OPRD1: variants seen among roughly 807,000 people sequenced by gnomAD.
OPRD1 encodes opioid receptor delta 1.
Under a neutral mutation model 17.5 loss-of-function variants are expected in OPRD1, and 19 were observed. That is an observed-to-expected ratio of 1.09 (90% CI 0.76 to 1.60). The LOEUF is 1.60. Ranked by LOEUF, OPRD1 falls within the 40% of genes most tolerant of loss-of-function variation. The pLI is 0.00. For synonymous variants in OPRD1, 256 were observed against 240.9 expected (o/e 1.06, Z -0.58); for missense variants, 483 against 547.2 (o/e 0.88, Z 1.17).
chr1:28,833,535 A>C (rs1388194602), intron 1 of OPRD1, among the ~76,000 whole-genome samples: 1 of 152,178 alleles, frequency 6.6e-6, no homozygotes, highest in Non-Finnish European at 1.5e-5. Flanking sequence ...ACTGATTGGA[A>C]AAGGCCAACC....
chr1:28,838,238 A>G (rs1371107223), intron 1 of OPRD1, among the ~76,000 whole-genome samples: 2 of 152,138 alleles, frequency 1.3e-5, no homozygotes, highest in African/African-American at 4.8e-5. Context: ...TAGAATGTAG[A>G]CATCTGCCAA....
intron 1 of OPRD1, among the ~76,000 whole-genome samples, chr1:28,857,948 A>G (rs2147749628): frequency 6.6e-6 from 1 of 151,258 alleles, no homozygotes; most frequent in South Asian, 2.1e-4. Flanking sequence ...GTGCACCACT[A>G]CGCCCAGCTA....
chr1:28,853,456 C>T (rs1434270602), intron 1 of OPRD1, among the ~76,000 whole-genome samples: 3 of 152,216 alleles, frequency 2.0e-5, no homozygotes, highest in Admixed American at 6.5e-5. Context: ...TTTGTTAAAC[C>T]ACTGGGATTT....
In OPRD1 at chr1:28,843,074, G is replaced by A. The variant is rs79583657; in HGVS notation, c.228-15880G>A. Among the ~76,000 whole-genome samples the A allele has an allele frequency of 3.4e-3, 517 of 152,066 alleles. 3 individuals carry two copies. The highest frequency in any genetic ancestry group is 0.012 in the African/African-American group (489 of 41,490). On this transcript the variant is annotated intron_variant, in intron 1 of 2. Transcript: ENST00000234961. The stretch of plus-strand genomic sequence containing the variant: ...GTATGCTGCACGCTTTCACACGTGC[G>A]GCTCCTAGAAAGCATCATTACACTG...
At chr1:28,849,456 A>G (rs2088980076) in intron 1 of OPRD1, among the ~76,000 whole-genome samples, 1 of 152,142 alleles carries the variant, frequency 6.6e-6, no homozygotes, top group South Asian at 2.1e-4. Flanking sequence ...CCTACAGTGA[A>G]GCCCACCAGT....
intron 1 of OPRD1, among the ~76,000 whole-genome samples, chr1:28,830,165 T>C (rs1482473518): frequency 1.3e-5 from 2 of 151,994 alleles, no homozygotes; most frequent in East Asian, 3.9e-4. Flanking sequence ...CATTTATCAA[T>C]TAAGTTCATC....
intron 1 of OPRD1, among the ~76,000 whole-genome samples, chr1:28,834,360 T>G (rs949252512): frequency 6.8e-6 from 1 of 147,614 alleles, no homozygotes; most frequent in Non-Finnish European, 1.5e-5. Context: ...GAGGCATCAC[T>G]AAGTATTTCT....
At chr1:28,849,135 G>A (rs902161389) in intron 1 of OPRD1, among the ~76,000 whole-genome samples, 1 of 152,152 alleles carries the variant, frequency 6.6e-6, no homozygotes, top group African/African-American at 2.4e-5. Context: ...AGGCACGGTG[G>A]CTCATGCCTG....
chr1:28,864,561 A>T lies in OPRD1; in HGVS notation c.*1278A>T, dbSNP rs1460151886. On this transcript the variant is annotated 3_prime_UTR_variant, in exon 3 of 3. Transcript: ENST00000234961. The stretch of plus-strand genomic sequence containing the variant: ...GTTCGAAAACCCAGACCCGGAGTGG[A>T]CCTCCGTGCCAAGGGGTGGTGGTGG... 6.6e-6 allele frequency: 1 copy of T among 151,738 alleles called. No homozygotes were observed. Among genetic ancestry groups the T allele is most frequent in the Non-Finnish European group, 1.5e-5 (1 of 67,966 alleles). The allele number at this position is 151,738 out of a possible 1,614,324, so 9.4% of individuals were successfully genotyped here. A position where few individuals can be genotyped will look rare whatever the true frequency, so the allele number is the denominator to read the frequency against.
rs1224573143 is a variant in OPRD1 at position 28,863,677 on chromosome 1, G to A, written c.*394G>A. The A allele has an allele frequency of 1.6e-5, 3 of 189,064 alleles. No individual in the cohort carries two copies. The Admixed American group carries it at 1.8e-4, about 12-fold the overall frequency. 11.7% of individuals were successfully genotyped at this position (189,064 alleles called of 1,614,324 possible). A position where few individuals can be genotyped will look rare whatever the true frequency, so the allele number is the denominator to read the frequency against. On this transcript the variant is annotated 3_prime_UTR_variant, in exon 3 of 3. Transcript: ENST00000234961. ...GTTTCTAACTTGGAGCCGGACTTTC[G>A]GAGTTGGGGGTCCGGGCCCAGGACC...
chr1:28,835,874 A>T (rs1334057046), intron 1 of OPRD1, among the ~76,000 whole-genome samples: 1 of 152,126 alleles, frequency 6.6e-6, no homozygotes, highest in African/African-American at 2.4e-5. Flanking sequence ...GAGTTACTTC[A>T]TCCCTCTGAG....
In OPRD1 at chr1:28,863,037, G is replaced by C; in HGVS notation, c.873G>C (p.Arg291=). ...TCTGGACGCTGGTGGACATCGACCG[G>C]CGCGACCCGCTGGTGGTGGCTGCGC... ...VIVWTLVDID[R]RDPLVVAALH... is the part of the protein sequence containing the mutation. The change falls in exon 3 of 3, where the codon CGG becomes CGC. Residue 291 remains arginine, a synonymous_variant. Transcript: ENST00000234961. 6.2e-7 allele frequency: 1 copy of C among 1,606,346 alleles called. No individual in the cohort carries two copies. Among genetic ancestry groups the C allele is most frequent in the Non-Finnish European group, 8.5e-7 (1 of 1,176,494 alleles).
chr1:28,818,287 A>G (rs562807068), intron 1 of OPRD1, among the ~76,000 whole-genome samples: 1 of 152,274 alleles, frequency 6.6e-6, no homozygotes, highest in Non-Finnish European at 1.5e-5. Context: ...AGGCCTGTCC[A>G]GCCTCAGCTC....
At chr1:28,854,602 G>A (rs987430561) in intron 1 of OPRD1, among the ~76,000 whole-genome samples, 29 of 151,966 alleles carry the variant, frequency 1.9e-4, no homozygotes, top group African/African-American at 6.3e-4. Context: ...GTCCCTGTGC[G>A]AGCTGGTGAG....
Position 28,863,097 on chromosome 1 carries a change from C to T in OPRD1, c.933C>T (p.Ser311=), listed in dbSNP as rs551540059. The part of the protein sequence containing the change: ...HLCIALGYAN[S]SLNPVLYAFL... ...GCATCGCGCTGGGCTACGCCAATAG[C>T]AGCCTCAACCCCGTGCTCTACGCTT... The change falls in exon 3 of 3, where the codon AGC becomes AGT. Residue 311 remains serine (S), a synonymous_variant. Transcript: ENST00000234961. 17 of 1,609,660 alleles carry T rather than the reference C, an allele frequency of 1.1e-5. No individual in the cohort carries two copies. In the South Asian group the frequency reaches 1.8e-4, roughly 17 times the overall value.
intron 1 of OPRD1, among the ~76,000 whole-genome samples, chr1:28,816,715 AT>A (rs1308581604): frequency 2.0e-5 from 3 of 152,028 alleles, no homozygotes; most frequent in Non-Finnish European, 4.4e-5. Context: ...GGCCAGCACG[AT>A]GACTCGTGCT....
At position 28,869,790 on chromosome 1, in the gene OPRD1, C is replaced by T. The variant is rs905830926; in HGVS notation, c.*6507C>T. The T allele has an allele frequency of 4.6e-5, 7 of 152,194 alleles. No homozygotes were observed. Among genetic ancestry groups the T allele is most frequent in the African/African-American group, 1.7e-4 (7 of 41,414 alleles). The allele number at this position is 152,194 out of a possible 1,614,324, so 9.4% of individuals were successfully genotyped here. A position where few individuals can be genotyped will look rare whatever the true frequency, so the allele number is the denominator to read the frequency against. ...AGCTCACAGTCACAGGCTGAGCATT[C>T]CCTGTGCTGGGTTCTGTACCTCATC... On this transcript the variant is annotated 3_prime_UTR_variant, in exon 3 of 3. Coordinates refer to ENST00000234961, the MANE Select transcript of OPRD1 (RefSeq NM_000911.4).
At chr1:28,843,047 T>C (rs3766951) in intron 1 of OPRD1, among the ~76,000 whole-genome samples, 52,632 of 151,642 alleles carry the variant, frequency 0.35, 9,378 homozygotes, top group Middle Eastern at 0.47. Flanking sequence ...ACACACTGGC[T>C]TGTATGCTGC....
intron 1 of OPRD1, 33 bp from the exon 2 acceptor site, chr1:28,858,921 A>G: frequency 1.3e-6 from 2 of 1,566,604 alleles, no homozygotes; most frequent in Non-Finnish European, 8.7e-7. Flanking sequence ...AATCTGTGAA[A>G]TGGGATTAAT....
Sources: gnomAD v4.1 joint callset for allele counts (sites outside exome capture counted in the v4.1 genomes callset) on GRCh38, gnomAD v4.1.1 for gene constraint, MANE v1.5 for transcripts, NCBI Gene and HGNC (gene_info 2026-07-23, HGNC 2026-07-21) for gene names.